The following FBXL20 variants were observed in gnomAD, a reference collection of about 807,000 sequenced individuals.
The protein encoded by FBXL20 is F-box/LRR-repeat protein 20.
In FBXL20, 11 loss-of-function variants were observed where a neutral mutation model predicts 64.0. The observed-to-expected ratio is 0.17, with a 90% CI of 0.11 to 0.28. The LOEUF (loss-of-function observed/expected upper bound fraction) is 0.28, where lower values mean the gene tolerates loss of function less well. Among genes scored for constraint, FBXL20 ranks in the 10% least tolerant of loss-of-function variants. The pLI is 1.00. For synonymous variants in FBXL20, 184 were observed against 189.0 expected, an observed-to-expected ratio of 0.97 and a Z score of 0.22; for missense variants, 303 against 526.2, an observed-to-expected ratio of 0.58 and a Z score of 4.15.
At chr17:39,364,297 A>C (rs1198980939) in intron 1 of FBXL20, among the ~76,000 whole-genome samples, 2 of 152,296 alleles carry the variant, frequency 1.3e-5, no homozygotes, top group African/African-American at 4.8e-5. Context: ...CTAGGTTGAC[A>C]TAGTGACTTG....
intron 1 of FBXL20, among the ~76,000 whole-genome samples, chr17:39,367,039 C>T (rs1220068563): frequency 1.3e-5 from 2 of 151,878 alleles, no homozygotes; most frequent in East Asian, 1.9e-4. Flanking sequence ...CCCACCACCA[C>T]GCCCAGCTAA....
chr17:39,288,204 C>T (rs1488737994), intron 6 of FBXL20, among the ~76,000 whole-genome samples: 2 of 151,884 alleles, frequency 1.3e-5, no homozygotes, highest in East Asian at 1.9e-4. Context: ...TGACCTCAAA[C>T]GATCCGCCCA....
At chr17:39,375,476 C>A (rs1187381788) in intron 1 of FBXL20, among the ~76,000 whole-genome samples, 5 of 152,088 alleles carry the variant, frequency 3.3e-5, no homozygotes, top group Non-Finnish European at 7.4e-5. Flanking sequence ...TGTTCCATAG[C>A]AGAACAGGAT....
chr17:39,391,955 AAC>A (rs1352861068), intron 1 of FBXL20, among the ~76,000 whole-genome samples: 1 of 151,838 alleles, frequency 6.6e-6, no homozygotes. Context: ...CAGTCTGGCC[AAC>A]ACGGTGAAAC....
chr17:39,361,787 A>G (rs567758183), intron 1 of FBXL20, among the ~76,000 whole-genome samples: 1 of 151,674 alleles, frequency 6.6e-6, no homozygotes, highest in African/African-American at 2.4e-5. Flanking sequence ...ACAGAGCGAG[A>G]CTCCGTCTCA....
At chr17:39,270,742 AG>A in intron 11 of FBXL20, 53 bp downstream of exon 11, 1 of 1,418,528 alleles carries the variant, frequency 7.0e-7, no homozygotes, top group South Asian at 1.3e-5. Context: ...TGAAATAAAA[AG>A]CCCTAATAAA....
At chr17:39,294,333 T>C (rs927857293) in intron 6 of FBXL20, among the ~76,000 whole-genome samples, 1 of 151,872 alleles carries the variant, frequency 6.6e-6, no homozygotes, top group Admixed American at 6.6e-5. Flanking sequence ...TGGAGTGCAG[T>C]GAAACATAGC....
intron 2 of FBXL20, among the ~76,000 whole-genome samples, chr17:39,333,799 C>A (rs1404912610): frequency 7.1e-6 from 1 of 141,620 alleles, no homozygotes; most frequent in African/African-American, 2.6e-5. Context: ...CGGCCGCGAC[C>A]CCGTCTGGGA....
Position 39,366,952 on chromosome 17 carries a change from C to T in FBXL20, c.43-23711G>A, listed in dbSNP as rs573001053. 9.3e-5 allele frequency among the ~76,000 whole-genome samples: 14 copies of T among 151,042 alleles called. No homozygotes were observed. The South Asian group carries it at 1.7e-3, about 18-fold the overall frequency. The stretch of plus-strand genomic sequence containing the variant: ...AGGCTGGAGTGCAGTGGCACAATCT[C>T]GACTCACTGCAAGCTCTGCCCCTGG... On this transcript the variant is annotated intron_variant, in intron 1 of 14. Coordinates refer to ENST00000264658, the MANE Select transcript of FBXL20 (RefSeq NM_032875.3).
intron 4 of FBXL20, among the ~76,000 whole-genome samples, chr17:39,300,228 G>A (rs889936066): frequency 6.6e-6 from 1 of 152,154 alleles, no homozygotes; most frequent in Non-Finnish European, 1.5e-5. Flanking sequence ...TATTTTAAAA[G>A]CACTTTGGTT....
intron 12 of FBXL20, among the ~76,000 whole-genome samples, chr17:39,266,446 C>T (rs1417100762): frequency 6.6e-6 from 1 of 152,104 alleles, no homozygotes; most frequent in East Asian, 1.9e-4. Flanking sequence ...TCTCAAACTC[C>T]CGACCTCAGG....
chr17:39,363,810 C>CAAAAAAAAAAAAA (rs71372113), intron 1 of FBXL20, among the ~76,000 whole-genome samples: 2 of 26,652 alleles, frequency 7.5e-5, no homozygotes, highest in Non-Finnish European at 1.3e-4. Context: ...GACTTTATCT[C>CAAAAAAAAAAAAA]AAAAAAAAAA....
chr17:39,277,499 G>A (rs1460951131), intron 9 of FBXL20, among the ~76,000 whole-genome samples: 1 of 152,040 alleles, frequency 6.6e-6, no homozygotes, highest in East Asian at 1.9e-4. Flanking sequence ...GCTCGCGTCT[G>A]TAATCTCAGC....
chr17:39,303,189 T>C (rs969867391), intron 3 of FBXL20, among the ~76,000 whole-genome samples: 10 of 151,814 alleles, frequency 6.6e-5, no homozygotes, highest in East Asian at 3.9e-4. Flanking sequence ...TTTCAATCCA[T>C]AGATAGCCAG....
At chr17:39,273,820 A>AG (rs1399810977) in intron 10 of FBXL20, among the ~76,000 whole-genome samples, 3 of 84,254 alleles carry the variant, frequency 3.6e-5, no homozygotes, top group Non-Finnish European at 9.7e-5. Context: ...ACTCTGTTTC[A>AG]GAAAAAAAAA....
chr17:39,296,626 T>C (rs2047088925), intron 6 of FBXL20, among the ~76,000 whole-genome samples: 2 of 150,256 alleles, frequency 1.3e-5, no homozygotes, highest in Admixed American at 1.3e-4. Context: ...ACCCTCTAGG[T>C]CTAATTTCTG....
chr17:39,379,326 C>T (rs2015036091), intron 1 of FBXL20, among the ~76,000 whole-genome samples: 2 of 151,758 alleles, frequency 1.3e-5, no homozygotes, highest in South Asian at 4.2e-4. Context: ...TGGAAATATA[C>T]AATGATGTAA....
chr17:39,362,456 T>A (rs2047806642), intron 1 of FBXL20, among the ~76,000 whole-genome samples: 1 of 152,110 alleles, frequency 6.6e-6, no homozygotes, highest in South Asian at 2.1e-4. Flanking sequence ...CCCGGGTAGC[T>A]GGGATTACAG....
At chr17:39,388,474 G>A (rs1597836447) in intron 1 of FBXL20, among the ~76,000 whole-genome samples, 2 of 149,162 alleles carry the variant, frequency 1.3e-5, no homozygotes, top group Non-Finnish European at 3.0e-5. Context: ...AAAAAAAGTT[G>A]CTTTTTTTTT....
Sources: gnomAD v4.1 joint callset for allele counts (sites outside exome capture counted in the v4.1 genomes callset) on GRCh38, gnomAD v4.1.1 for gene constraint, MANE v1.5 for transcripts, NCBI Gene and HGNC (gene_info 2026-07-23, HGNC 2026-07-21) for gene names.